The following PLD3 variants were observed in gnomAD, a reference collection of about 807,000 sequenced individuals.
The protein encoded by PLD3 is 5'-3' exonuclease PLD3.
A neutral mutation model predicts 58.4 loss-of-function variants in PLD3; 31 were observed. That is an observed-to-expected ratio of 0.53 (90% confidence interval 0.40 to 0.72). PLD3 has a LOEUF of 0.72. Ranked by LOEUF, PLD3 falls within the 30% of genes least tolerant of loss-of-function variation. The pLI is 0.00. For missense variants in PLD3, 595 were observed against 659.8 expected (o/e 0.90, Z 1.08); for synonymous variants, 264 against 273.4 (o/e 0.97, Z 0.34).
Position 40,367,830 on chromosome 19 carries a change from G to A in PLD3, c.380G>A (p.Trp127Ter). ...AGCCTGGACATCGCCTCCTTCTACT[G>A]GACCCTCACCAACAATGACACCCAC... ...HSSLDIASFY[W>*]TLTNNDTHTQ... The change falls in exon 6 of 13, where the codon TGG (tryptophan) becomes TAG (stop). Residue 127 changes from tryptophan to a stop codon, truncating the protein, a stop_gained. Transcript: ENST00000409735. LOFTEE classifies it high-confidence loss of function. 6.3e-7 allele frequency: 1 copy of A among 1,589,024 alleles called. No homozygotes were observed.
intron 10 of PLD3, 94 bp downstream of exon 10, chr19:40,374,714 C>T (rs2079151127): frequency 1.4e-6 from 2 of 1,384,352 alleles, no homozygotes; most frequent in African/African-American, 2.8e-5. Flanking sequence ...GGGCTCCAGG[C>T]AAGGGGACAG....
At chr19:40,360,635 G>A (rs1005883482) in intron 1 of PLD3, 4 of 148,166 alleles carry the variant, frequency 2.7e-5, no homozygotes, top group African/African-American at 5.0e-5. Context: ...TTTTGGAGCC[G>A]AAGTCCAAAC....
At chr19:40,367,146 A>G (rs1232619531) in intron 5 of PLD3, 2 of 536,346 alleles carry the variant, frequency 3.7e-6, no homozygotes, top group African/African-American at 3.8e-5. Flanking sequence ...TCTTCCACCC[A>G]CATCTGTGGA....
At chr19:40,355,404 C>A (rs1252396726) in intron 1 of PLD3, among the ~76,000 whole-genome samples, 2 of 151,838 alleles carry the variant, frequency 1.3e-5, no homozygotes, top group African/African-American at 4.8e-5. Context: ...CCTCTGCCTC[C>A]CAGGTTCAAG....
At chr19:40,353,978 C>A (rs1208334946) in intron 1 of PLD3, among the ~76,000 whole-genome samples, 1 of 151,504 alleles carries the variant, frequency 6.6e-6, no homozygotes, top group Non-Finnish European at 1.5e-5. Flanking sequence ...AACTGCAGAC[C>A]AAGCTCCCAG....
chr19:40,367,111 G>C (rs2078945082), intron 5 of PLD3, 196 bp downstream of exon 5: 2 of 594,038 alleles, frequency 3.4e-6, no homozygotes, highest in African/African-American at 1.9e-5. Flanking sequence ...GTCATCTTCT[G>C]TCAGGCCTGT....
intron 11 of PLD3, 75 bp from the exon 12 acceptor site, chr19:40,377,711 T>A: frequency 9.5e-7 from 1 of 1,057,682 alleles, no homozygotes; most frequent in Non-Finnish European, 1.5e-6. Context: ...CGCTCCACAC[T>A]CTGCTCCCTG....
Position 40,366,888 on chromosome 19 carries a change from GC to G in PLD3, c.221del (p.Pro74GlnfsTer86), listed in dbSNP as rs745895688. 2 of 1,612,092 alleles carry G rather than the reference GC, an allele frequency of 1.2e-6. No individual in the cohort carries two copies. Among genetic ancestry groups the G allele is most frequent in the Admixed American group, 1.7e-5 (1 of 59,826 alleles). On this transcript the variant is annotated frameshift_variant, in exon 5 of 13. Coordinates refer to ENST00000409735, the MANE Select transcript of PLD3 (RefSeq NM_012268.4). LOFTEE classifies it high-confidence loss of function. The stretch of plus-strand genomic sequence containing the variant: ...TTGCATCTCTTTGGGCCCAACCAGC[GC>G]CCAGCCCCCTGCTATGACCCTTGCG... ...GDLHLFGPNQ[R>X]PAPCYDPCEA...
At chr19:40,361,945 G>A (rs973244028) in intron 1 of PLD3, among the ~76,000 whole-genome samples, 25 of 151,346 alleles carry the variant, frequency 1.7e-4, no homozygotes, top group Admixed American at 5.9e-4. Context: ...CAAGCAATTC[G>A]CCCACCTCAG....
chr19:40,366,710 C>T, intron 4 of PLD3, 26 bp downstream of exon 4: 1 of 1,613,896 alleles, frequency 6.2e-7, no homozygotes, highest in Non-Finnish European at 8.5e-7. Context: ...CACCCTCGCT[C>T]TGTCTCAGAG....
At chr19:40,366,019 C>T in intron 2 of PLD3, 89 bp downstream of exon 2, 1 of 176,742 alleles carries the variant, frequency 5.7e-6, no homozygotes, top group Non-Finnish European at 1.2e-5. Context: ...GGTGTGGGGG[C>T]ACCTGAGGGC....
At chr19:40,353,047 G>A (rs2078557592) in intron 1 of PLD3, among the ~76,000 whole-genome samples, 1 of 152,174 alleles carries the variant, frequency 6.6e-6, no homozygotes, top group Non-Finnish European at 1.5e-5. Flanking sequence ...CCTCCCTCAA[G>A]CTGCAGGGTC....
intron 1 of PLD3, among the ~76,000 whole-genome samples, chr19:40,353,118 T>G (rs1242577479): frequency 6.6e-6 from 1 of 152,142 alleles, no homozygotes; most frequent in Non-Finnish European, 1.5e-5. Flanking sequence ...AGTTCAACCA[T>G]GTACTGCCCT....
intron 1 of PLD3, among the ~76,000 whole-genome samples, chr19:40,350,673 G>C (rs2078489680): frequency 1.3e-5 from 2 of 151,830 alleles, no homozygotes; most frequent in Admixed American, 1.3e-4. Flanking sequence ...GAACCCAGGA[G>C]GCGGAGGCTG....
chr19:40,349,155 C>T (rs1363721894), intron 1 of PLD3, among the ~76,000 whole-genome samples: 1 of 152,072 alleles, frequency 6.6e-6, no homozygotes, highest in Non-Finnish European at 1.5e-5. Flanking sequence ...CTTTTGTTGC[C>T]ATTTCTCCTT....
At chr19:40,369,879 GC>G (rs1384641845) in intron 6 of PLD3, 28 bp from the exon 7 acceptor site, 2 of 1,531,670 alleles carry the variant, frequency 1.3e-6, no homozygotes, top group East Asian at 4.9e-5. Context: ...GGCTGGTCCA[GC>G]CCCTCAGAAG....
At position 40,367,019 on chromosome 19, in the gene PLD3, G is replaced by A. The variant is rs543884949; in HGVS notation, c.245+104G>A. The A allele has an allele frequency of 1.1e-4, 143 of 1,324,548 alleles. 1 individual carries two copies. Among genetic ancestry groups the A allele is most frequent in the Non-Finnish European group, 1.2e-4 (120 of 982,420 alleles). 82.0% of individuals were successfully genotyped at this position (1,324,548 alleles called of 1,614,324 possible). A position where few individuals can be genotyped will look rare whatever the true frequency, so the allele number is the denominator to read the frequency against. ...GCACTCAGCCCTACCCAGCGCTTGC[G>A]ACAAGTGAGGAGGTTGCAGGCTCCC... is the stretch of plus-strand genomic sequence containing the variant. On this transcript the variant is annotated intron_variant, in intron 5 of 12. Transcript: ENST00000409735.
intron 1 of PLD3, among the ~76,000 whole-genome samples, chr19:40,353,301 G>A (rs886171092): frequency 6.6e-6 from 1 of 151,974 alleles, no homozygotes; most frequent in Non-Finnish European, 1.5e-5. Context: ...GTGGTGGCGG[G>A]CACCTGTCAT....
At position 40,348,709 on chromosome 19, in the gene PLD3, G is replaced by T; in HGVS notation, c.-338G>T. The T allele has an allele frequency of 1.7e-6, 1 of 598,448 alleles. No individual in the cohort carries two copies. Among genetic ancestry groups the T allele is most frequent in the Non-Finnish European group, 2.6e-6 (1 of 378,738 alleles). 37.1% of individuals were successfully genotyped at this position (598,448 alleles called of 1,614,324 possible). A position where few individuals can be genotyped will look rare whatever the true frequency, so the allele number is the denominator to read the frequency against. Reference sequence around the variant, plus strand: ...GCGGCTAGGAGGGGCCGTCAGGCGGGGATACAGCCTGGAAGGTGCGTGTGG... The same window carrying T: ...GCGGCTAGGAGGGGCCGTCAGGCGGTGATACAGCCTGGAAGGTGCGTGTGG... On this transcript the variant is annotated 5_prime_UTR_variant, in exon 1 of 13. Coordinates refer to ENST00000409735, the MANE Select transcript of PLD3 (RefSeq NM_012268.4).
Sources: allele counts gnomAD v4.1 joint callset (sites outside exome capture counted in the v4.1 genomes callset), GRCh38; gene constraint gnomAD v4.1.1; transcripts MANE v1.5; gene names NCBI Gene and HGNC (gene_info 2026-07-23, HGNC 2026-07-21).